The following CELA3A variants were observed in gnomAD, a reference collection of about 807,000 sequenced individuals.
CELA3A encodes the protein chymotrypsin-like elastase family member 3A.
In CELA3A, 35 loss-of-function variants were observed where a neutral mutation model predicts 38.6. The ratio of observed to expected loss-of-function variants is 0.91; its 90% CI spans 0.69 to 1.20. CELA3A has a LOEUF of 1.20. Ranked by LOEUF, CELA3A falls within the 50% of genes most tolerant of loss-of-function variation. CELA3A has a pLI of 0.00. For synonymous variants in CELA3A, 143 were observed against 136.7 expected, an observed-to-expected ratio of 1.05 and a Z score of -0.32; for missense variants, 343 against 354.2, an observed-to-expected ratio of 0.97 and a Z score of 0.25.
At chr1:22,006,369 TAACA>T (rs1016431432) in intron 4 of CELA3A, among the ~76,000 whole-genome samples, 16 of 151,024 alleles carry the variant, frequency 1.1e-4, no homozygotes, top group African/African-American at 3.9e-4. Context: ...GAAAAAATCT[TAACA>T]AATATTAGCC....
In CELA3A at chr1:22,007,441, A is replaced by G. The variant is rs1644958006; in HGVS notation, c.568A>G (p.Arg190Gly). The G allele has an allele frequency of 6.2e-7, 1 of 1,612,586 alleles. No individual in the cohort carries two copies. The highest frequency in any genetic ancestry group is 1.3e-5 in the African/African-American group (1 of 74,420). Residue 190 changes from arginine to glycine, a missense_variant, in exon 6 of 8, where the codon AGG becomes GGG. Arg to Gly is a moderately radical substitution (Grantham distance 125). Transcript: ENST00000290122. ...LPVVDYKHCS[R>G]WNWWGSTVKK... The stretch of plus-strand genomic sequence containing the variant: ...CGTGGTGGACTATAAGCACTGCTCC[A>G]GGTGGAACTGGTGGGGTTCCACCGT...
chr1:22,010,988 C>T (rs1426830090), intron 7 of CELA3A: 1 of 151,256 alleles, frequency 6.6e-6, no homozygotes, highest in Non-Finnish European at 1.5e-5. Flanking sequence ...AACAGTAGTG[C>T]TTGCTTTGGC....
In CELA3A at chr1:22,006,988, A is replaced by G; in HGVS notation, c.473A>G (p.Tyr158Cys). 1 of 1,612,400 alleles carries G rather than the reference A, an allele frequency of 6.2e-7. No homozygotes were observed. The highest frequency in any genetic ancestry group is 1.3e-5 in the African/African-American group (1 of 74,272). ...GDILPNKTPC[Y>C]ITGWGRLYTN... is the part of the protein sequence containing the mutation. ...ATCCTTCCCAACAAGACACCCTGCT[A>G]CATCACCGGCTGGGGCCGTCTCTAT... Residue 158 changes from tyrosine to cysteine, a missense_variant, in exon 5 of 8, where the codon TAC (tyrosine) becomes TGC (cysteine). Transcript: ENST00000290122.
intron 4 of CELA3A, among the ~76,000 whole-genome samples, chr1:22,006,402 C>T (rs1417656328): frequency 2.0e-5 from 3 of 151,304 alleles, no homozygotes; most frequent in Non-Finnish European, 4.4e-5. Context: ...TGGCATGAGC[C>T]TGTAATCCCA....
intron 6 of CELA3A, among the ~76,000 whole-genome samples, 157 bp from the exon 7 acceptor site, chr1:22,009,548 T>C (rs1425871950): frequency 6.6e-6 from 1 of 150,914 alleles, no homozygotes; most frequent in Non-Finnish European, 1.5e-5. Context: ...CGAGACTCCA[T>C]CTAAAAAAAT....
rs77751797 is a variant in CELA3A, at chr1:22,005,703, T to G, written c.269T>G (p.Leu90Arg). 145 of 1,612,146 alleles carry G rather than the reference T, an allele frequency of 9.0e-5. 3 individuals carry two copies. The highest frequency in any genetic ancestry group is 3.1e-4 in the South Asian group (28 of 90,902). Residue 90 changes from leucine (L) to arginine (R), a missense_variant, in exon 4 of 8, where the codon CTT (leucine) becomes CGT (arginine). By Grantham distance (102) the Leu-to-Arg change is moderately radical. Transcript: ENST00000290122. Reference sequence around the variant, plus strand: ...CAGGTGGTGTTGGGTGAGTACAACCTTGCTGTGAAGGAGGGCCCCGAGCAG... The same window carrying G: ...CAGGTGGTGTTGGGTGAGTACAACCGTGCTGTGAAGGAGGGCCCCGAGCAG... Reference protein sequence around the residue: ...TYQVVLGEYNLAVKEGPEQVI... With the variant: ...TYQVVLGEYNRAVKEGPEQVI...
intron 6 of CELA3A, among the ~76,000 whole-genome samples, chr1:22,009,346 A>C (rs1382468094): frequency 6.6e-6 from 1 of 151,270 alleles, no homozygotes; most frequent in Non-Finnish European, 1.5e-5. Context: ...CCTGGGCGTC[A>C]GAGTGAGACT....
intron 2 of CELA3A, among the ~76,000 whole-genome samples, chr1:22,004,108 G>T (rs1408677867): frequency 7.4e-6 from 1 of 134,656 alleles, no homozygotes; most frequent in Admixed American, 7.7e-5. Flanking sequence ...GTCTTGCTGT[G>T]TTGCCCAGGC....
At chr1:22,007,676 C>T (rs1644959673) in intron 6 of CELA3A, among the ~76,000 whole-genome samples, 161 bp downstream of exon 6, 2 of 150,918 alleles carry the variant, frequency 1.3e-5, no homozygotes, top group East Asian at 2.0e-4. Flanking sequence ...GACACAGAGC[C>T]CAGGCCTGGG....
Position 22,007,497 on chromosome 1 carries a change from C to T in CELA3A, c.624C>T (p.Tyr208=). 4.3e-6 allele frequency: 7 copies of T among 1,610,778 alleles called. No individual in the cohort carries two copies. Among genetic ancestry groups the T allele is most frequent in the Non-Finnish European group, 5.9e-6 (7 of 1,178,508 alleles). Residue 208 remains tyrosine, a synonymous_variant, in exon 6 of 8, where the codon TAC becomes TAT. Transcript: ENST00000290122. ...AAACCATGGTGTGTGCTGGAGGGTA[C>T]ATCCGCTCCGGCTGCAACGTGAGTC... is the stretch of plus-strand genomic sequence containing the variant. ...VKKTMVCAGG[Y]IRSGCNGDSG... is the part of the protein sequence containing the mutation.
chr1:22,010,242 G>A (rs1184472100), intron 7 of CELA3A: 1 of 378,282 alleles, frequency 2.6e-6, no homozygotes, highest in East Asian at 7.4e-5. Flanking sequence ...GGGGAGTCCA[G>A]GCCCCAGACT....
intron 7 of CELA3A, among the ~76,000 whole-genome samples, chr1:22,012,246 A>G (rs1644987205): frequency 7.9e-6 from 1 of 127,046 alleles, no homozygotes; most frequent in African/African-American, 3.2e-5. Flanking sequence ...CATTGTAAAG[A>G]GAACCTTAGT....
chr1:22,007,518 G>A lies in CELA3A; in HGVS notation c.642+3G>A. On this transcript the variant is annotated splice_donor_region_variant and intron_variant, in intron 6 of 7. Transcript: ENST00000290122. ...GGTACATCCGCTCCGGCTGCAACGTGAGTCAGCTCTTACCTGCCCGAGGTG... is the reference window on the plus strand; with the variant it reads ...GGTACATCCGCTCCGGCTGCAACGTAAGTCAGCTCTTACCTGCCCGAGGTG... The A allele has an allele frequency of 1.2e-6, 2 of 1,609,040 alleles. No homozygotes were observed. Among genetic ancestry groups the A allele is most frequent in the Non-Finnish European group, 1.7e-6 (2 of 1,177,670 alleles).
At chr1:22,008,842 G>A (rs1016222571) in intron 6 of CELA3A, among the ~76,000 whole-genome samples, 3 of 152,028 alleles carry the variant, frequency 2.0e-5, no homozygotes, top group Admixed American at 2.0e-4. Flanking sequence ...CCACTAATAA[G>A]AACTATGTTT....
intron 4 of CELA3A, among the ~76,000 whole-genome samples, 157 bp from the exon 5 acceptor site, chr1:22,006,721 A>G (rs1327204303): frequency 2.0e-5 from 1 of 49,252 alleles, no homozygotes; most frequent in Non-Finnish European, 9.3e-5. Flanking sequence ...TGTCTCAATA[A>G]TAATAATAAT....
chr1:22,006,596 T>A (rs954986290), intron 4 of CELA3A, among the ~76,000 whole-genome samples: 2 of 150,106 alleles, frequency 1.3e-5, no homozygotes, highest in African/African-American at 5.0e-5. Flanking sequence ...TAGTGGCTCA[T>A]GCCTGTAATT....
At chr1:22,009,161 C>T (rs576768944) in intron 6 of CELA3A, among the ~76,000 whole-genome samples, 37 of 151,226 alleles carry the variant, frequency 2.4e-4, no homozygotes, top group African/African-American at 7.1e-4. Context: ...GTCAGGAGAT[C>T]GAGACCATCC....
Position 22,011,621 on chromosome 1 carries a change from G to A in CELA3A, c.796-829G>A, listed in dbSNP as rs1311227383. On this transcript the variant is annotated intron_variant, in intron 7 of 7. Transcript: ENST00000290122. The stretch of plus-strand genomic sequence containing the variant: ...AAAAATATAAAAAAATTGGCCAGGC[G>A]TGGTAGTGCGTCGCTGTAATCTCAG... 1.1e-4 allele frequency among the ~76,000 whole-genome samples: 14 copies of A among 126,132 alleles called. 3 individuals carry two copies. Among genetic ancestry groups the A allele is most frequent in the South Asian group, 2.4e-4 (1 of 4,088 alleles). 82.7% of individuals were successfully genotyped at this position (126,132 alleles called of 152,430 possible). A position where few individuals can be genotyped will look rare whatever the true frequency, so the allele number is the denominator to read the frequency against.
intron 1 of CELA3A, 39 bp downstream of exon 1, chr1:22,001,756 C>G (rs763393810): frequency 3.1e-6 from 5 of 1,609,454 alleles, no homozygotes; most frequent in Admixed American, 3.3e-5. Context: ...CTGGGCTGCC[C>G]TGGACTAGGA....
Sources: allele counts gnomAD v4.1 joint callset (sites outside exome capture counted in the v4.1 genomes callset), GRCh38; gene constraint gnomAD v4.1.1; transcripts MANE v1.5; gene names NCBI Gene and HGNC (gene_info 2026-07-23, HGNC 2026-07-21).